The following KNDC1 variants were observed in gnomAD, a reference collection of about 807,000 sequenced individuals.
KNDC1 encodes the protein kinase non-catalytic C-lobe domain-containing protein 1.
KNDC1 carries 106 observed loss-of-function variants against 172.8 expected under a neutral mutation model. The observed-to-expected ratio is 0.61, with a 90% CI of 0.52 to 0.72. The LOEUF (loss-of-function observed/expected upper bound fraction) is 0.72, where lower values mean the gene tolerates loss of function less well. KNDC1 is among the 30% of genes least tolerant of loss of function. The probability of loss-of-function intolerance (pLI) is 0.00; values close to 1 mark genes in which losing one functional copy is unlikely to be tolerated. For missense variants in KNDC1, 2,325 were observed against 2,394.5 expected, an observed-to-expected ratio of 0.97 and a Z score of 0.61; for synonymous variants, 1,083 against 1,062.2, an observed-to-expected ratio of 1.02 and a Z score of -0.38.
At chr10:133,179,216 T>C (rs1253190681) in intron 3 of KNDC1, 1 of 133,724 alleles carries the variant, frequency 7.5e-6, no homozygotes, top group African/African-American at 2.7e-5. Flanking sequence ...TCCAGCCCCT[T>C]CTATGGGGTT....
At chr10:133,203,949 G>A (rs1037228020) in intron 17 of KNDC1, among the ~76,000 whole-genome samples, 3 of 152,208 alleles carry the variant, frequency 2.0e-5, no homozygotes, top group South Asian at 2.1e-4. Context: ...CCAGCCAGGC[G>A]GGCATCGGGC....
intron 1 of KNDC1, among the ~76,000 whole-genome samples, chr10:133,166,808 C>T (rs577391278): frequency 6.6e-6 from 1 of 152,046 alleles, no homozygotes; most frequent in Non-Finnish European, 1.5e-5. Context: ...TCGCGGAGTC[C>T]AGGAGCCCAC....
rs531113592 is a variant in KNDC1 at position 133,209,052 on chromosome 10, G to A, written c.3795-1559G>A. 1.3e-5 allele frequency among the ~76,000 whole-genome samples: 2 copies of A among 151,230 alleles called. No individual in the cohort carries two copies. Among genetic ancestry groups the A allele is most frequent in the East Asian group, 2.0e-4 (1 of 5,122 alleles). On this transcript the variant is annotated intron_variant, in intron 20 of 29. Coordinates refer to ENST00000304613, the MANE Select transcript of KNDC1 (RefSeq NM_152643.8). The surrounding 1 kb of genome is among the most constrained non-coding windows in gnomAD (Gnocchi z 4.9). ...GGTACGTGTGCGGTTGTGAGGTATAGTGTGATGTGTGTGCATGTGTGGGGT... is the reference window on the plus strand; with the variant it reads ...GGTACGTGTGCGGTTGTGAGGTATAATGTGATGTGTGTGCATGTGTGGGGT...
intron 17 of KNDC1, among the ~76,000 whole-genome samples, chr10:133,206,293 CT>C (rs932201326): frequency 2.0e-5 from 3 of 152,282 alleles, no homozygotes; most frequent in Admixed American, 6.5e-5. Flanking sequence ...CTGCCACCCC[CT>C]GCCCCCAGCC....
rs1047824292 is a variant in KNDC1 at position 133,186,499 on chromosome 10, A to G, written c.1151A>G (p.Asp384Gly). 1.2e-6 allele frequency: 2 copies of G among 1,612,258 alleles called. No individual in the cohort carries two copies. Among genetic ancestry groups the G allele is most frequent in the African/African-American group, 2.7e-5 (2 of 74,912 alleles). ...GTTCCCTGTGCAGGCCGCAGCACGG[A>G]CAGGGGCCCTGGGGTGCCCGGCAGT... ...GRVPCAGRST[D>G]RGPGVPGSPG... is the part of the protein sequence containing the mutation. The change falls in exon 6 of 30, where the codon GAC becomes GGC. Residue 384 changes from aspartate (D) to glycine (G), a missense_variant. By Grantham distance (94) the Asp-to-Gly change is moderately conservative. Transcript: ENST00000304613.
intron 14 of KNDC1, 41 bp downstream of exon 14, chr10:133,199,307 AG>A: frequency 1.3e-6 from 2 of 1,543,418 alleles, no homozygotes; most frequent in South Asian, 1.3e-5. Flanking sequence ...GGCCCGGGCC[AG>A]GGAGAGCCCC....
rs746757493 is a variant in KNDC1 at position 133,160,432 on chromosome 10, G to A, written c.-36G>A. ...TAGCCGAGCCCAGCCCAGCCCAGCC[G>A]GAGGCCCCGGGGGCGGTGCGCGGCG... On this transcript the variant is annotated 5_prime_UTR_variant, in exon 1 of 30. Coordinates refer to ENST00000304613, the MANE Select transcript of KNDC1 (RefSeq NM_152643.8). 113 of 1,402,638 alleles carry A rather than the reference G, an allele frequency of 8.1e-5. No individual in the cohort carries two copies. Among genetic ancestry groups the A allele is most frequent in the Non-Finnish European group, 1.0e-4 (108 of 1,055,534 alleles). The allele number at this position is 1,402,638 out of a possible 1,614,324, so 86.9% of individuals were successfully genotyped here.
At chr10:133,168,408 C>T in intron 3 of KNDC1, 96 bp downstream of exon 3, 2 of 1,279,348 alleles carry the variant, frequency 1.6e-6, no homozygotes, top group Non-Finnish European at 2.3e-6. Context: ...GGGGCGACCT[C>T]TGCAAGTGGC....
At position 133,207,263 on chromosome 10, in the gene KNDC1, A is replaced by G; in HGVS notation, c.3706A>G (p.Asn1236Asp). 4 of 1,613,110 alleles carry G rather than the reference A, an allele frequency of 2.5e-6. No homozygotes were observed. Among genetic ancestry groups the G allele is most frequent in the Non-Finnish European group, 3.4e-6 (4 of 1,179,972 alleles). ...LDESSSLIFY[N>D]VNKHPGGRQK... is the part of the protein sequence containing the mutation. ...CGAGTCCTCCTCGCTCATCTTCTAC[A>G]ACGTCAACAAGCACCCGGGCGGCCG... The change falls in exon 20 of 30, where the codon AAC (asparagine) becomes GAC (aspartate). Residue 1236 changes from asparagine (N) to aspartate (D), a missense_variant. Transcript: ENST00000304613.
At chr10:133,193,621 A>G (rs948090974) in intron 9 of KNDC1, among the ~76,000 whole-genome samples, 4 of 152,212 alleles carry the variant, frequency 2.6e-5, no homozygotes, top group Non-Finnish European at 5.9e-5. Flanking sequence ...AGAAGAAAGG[A>G]AGAAGATTGA....
chr10:133,172,502 A>T (rs1484701014), intron 3 of KNDC1, among the ~76,000 whole-genome samples: 1 of 152,178 alleles, frequency 6.6e-6, no homozygotes. Context: ...ATTGGAGTGG[A>T]CTGGCGATTT....
In KNDC1 at chr10:133,224,839, C is replaced by T. The variant is rs770524280; in HGVS notation, c.5199C>T (p.His1733=). 1.2e-6 allele frequency: 2 copies of T among 1,614,074 alleles called. No homozygotes were observed. Among genetic ancestry groups the T allele is most frequent in the Non-Finnish European group, 1.7e-6 (2 of 1,180,030 alleles). Residue 1733 remains histidine (H), a synonymous_variant, in exon 30 of 30, where the codon CAC becomes CAT. Transcript: ENST00000304613. This position sits in a 1 kb window ranked among gnomAD's most constrained non-coding sequence, Gnocchi z 5.4. ...ANFHQVSSEK[H]SRKIQDKLRR... is the part of the protein sequence containing the mutation. ...TCCACCAGGTCTCCAGCGAGAAGCACTCACGGAAGATTCAGGACAAGCTAC... is the reference window on the plus strand; with the variant it reads ...TCCACCAGGTCTCCAGCGAGAAGCATTCACGGAAGATTCAGGACAAGCTAC...
Position 133,187,011 on chromosome 10 carries a change from C to T in KNDC1, c.1326+337C>T, listed in dbSNP as rs555578801. 5.3e-5 allele frequency among the ~76,000 whole-genome samples: 8 copies of T among 152,336 alleles called. No homozygotes were observed. In the East Asian group the frequency reaches 7.7e-4, roughly 15 times the overall value. ...TTCCGGGAAGCAAGGCCAGCAGCCC[C>T]GGCTCCGTGATGTCATTTCAGGGGC... On this transcript the variant is annotated intron_variant, in intron 6 of 29. Transcript: ENST00000304613.
intron 9 of KNDC1, 39 bp downstream of exon 9, chr10:133,189,852 C>T (rs1486870153): frequency 4.5e-6 from 7 of 1,547,668 alleles, no homozygotes; most frequent in Non-Finnish European, 6.2e-6. Flanking sequence ...GCCCTGCCCC[C>T]AGCCCTCGGG....
At position 133,222,442 on chromosome 10, in the gene KNDC1, CCGGCG is replaced by C. The variant is rs1564903605; in HGVS notation, c.5019-2216_5019-2212del. On this transcript the variant is annotated intron_variant, in intron 29 of 29. Coordinates refer to ENST00000304613, the MANE Select transcript of KNDC1 (RefSeq NM_152643.8). ...GAGAGCCCATCCAGGCATGCTCTTC[CCGGCG>C]TGTGTGTGTGTGTGTGAGAGCCCAT... 1.0e-4 allele frequency among the ~76,000 whole-genome samples: 10 copies of C among 97,722 alleles called. 1 individual carries two copies. Among genetic ancestry groups the C allele is most frequent in the African/African-American group, 2.7e-4 (8 of 29,288 alleles). 64.1% of individuals were successfully genotyped at this position (97,722 alleles called of 152,430 possible). A position where few individuals can be genotyped will look rare whatever the true frequency, so the allele number is the denominator to read the frequency against.
rs1845679036 is a variant in KNDC1, at chr10:133,224,448, A to C, written c.5019-211A>C. Among the ~76,000 whole-genome samples, 1 of 152,124 alleles carries C rather than the reference A, an allele frequency of 6.6e-6. No individual in the cohort carries two copies. Among genetic ancestry groups the C allele is most frequent in the Non-Finnish European group, 1.5e-5 (1 of 68,024 alleles). On this transcript the variant is annotated intron_variant, in intron 29 of 29. Coordinates refer to ENST00000304613, the MANE Select transcript of KNDC1 (RefSeq NM_152643.8). This position sits in a 1 kb window ranked among gnomAD's most constrained non-coding sequence, Gnocchi z 5.4. ...GGTTTCCATAAGCGTGTGTGGACTG[A>C]AATGTGGATGGATGGACAGTCAGAC...
In KNDC1 at chr10:133,187,469, G is replaced by C. The variant is rs115436171; in HGVS notation, c.1326+795G>C. On this transcript the variant is annotated intron_variant, in intron 6 of 29. Transcript: ENST00000304613. ...GTCACCTGAAGTCAGTGGCCTGCAT[G>C]CAAGTCCATCTGCCAGGCAGCGCCT... Among the ~76,000 whole-genome samples, 1,284 of 152,376 alleles carry C rather than the reference G, an allele frequency of 8.4e-3. 16 individuals are homozygous for C. Among genetic ancestry groups the C allele is most frequent in the African/African-American group, 0.029 (1,195 of 41,600 alleles).
At chr10:133,212,078 TCA>T (rs917828138) in intron 23 of KNDC1, among the ~76,000 whole-genome samples, 32 of 152,076 alleles carry the variant, frequency 2.1e-4, no homozygotes, top group African/African-American at 7.2e-4. Flanking sequence ...GCATGCACCT[TCA>T]CACAATCCAC....
intron 11 of KNDC1, 27 bp downstream of exon 11, chr10:133,197,162 C>G: frequency 1.9e-6 from 3 of 1,577,454 alleles, no homozygotes; most frequent in Non-Finnish European, 2.6e-6. Context: ...AGGCCGCCGC[C>G]TCCTCCGCCG....
Sources: gnomAD v4.1 joint callset for allele counts (sites outside exome capture counted in the v4.1 genomes callset) on GRCh38, gnomAD v4.1.1 for gene constraint, Gnocchi (gnomAD v3.1) non-coding constraint, MANE v1.5 for transcripts, NCBI Gene and HGNC (gene_info 2026-07-23, HGNC 2026-07-21) for gene names.